FAM24B: variants seen among roughly 807,000 people sequenced by gnomAD.
FAM24B encodes the protein family with sequence similarity 24 member B, also known as protein FAM24B.
Under a neutral mutation model 2.3 loss-of-function variants are expected in FAM24B, and 3 were observed. The observed-to-expected ratio is 1.29, with a 90% confidence interval of 0.59 to 3.32. The LOEUF is 3.32. Among genes scored for constraint, FAM24B ranks in the 30% most tolerant of loss-of-function variants. The probability of loss-of-function intolerance (pLI) is 0.03; values close to 1 mark genes in which losing one functional copy is unlikely to be tolerated. For missense variants in FAM24B, 98 were observed against 117.2 expected, an observed-to-expected ratio of 0.84 and a Z score of 0.76; for synonymous variants, 36 against 46.3, an observed-to-expected ratio of 0.78 and a Z score of 0.90.
chr10:122,854,666 T>TG (rs1331038623), intron 2 of FAM24B, among the ~76,000 whole-genome samples: 2 of 152,182 alleles, frequency 1.3e-5, no homozygotes, highest in Non-Finnish European at 2.9e-5. Flanking sequence ...CTTAAGAGTA[T>TG]TGAGAGGGAT....
chr10:122,858,742 C>A (rs559658528), intron 1 of FAM24B, among the ~76,000 whole-genome samples: 1 of 152,118 alleles, frequency 6.6e-6, no homozygotes, highest in African/African-American at 2.4e-5. Context: ...CTGTGGGGCA[C>A]ACAGAGCCTC....
intron 1 of FAM24B, among the ~76,000 whole-genome samples, chr10:122,862,085 T>C (rs1329388898): frequency 2.0e-5 from 3 of 152,242 alleles, no homozygotes; most frequent in African/African-American, 4.8e-5. Context: ...GCCTTAGCCC[T>C]TGTCTGTTTC....
In FAM24B at chr10:122,870,933, C is replaced by T. The variant is rs549026116; in HGVS notation, c.-178+8552G>A. Among the ~76,000 whole-genome samples the T allele has an allele frequency of 4.3e-4, 65 of 152,182 alleles. 1 individual carries two copies. In the South Asian group the frequency reaches 6.9e-3, roughly 16 times the overall value. ...TCAACATAGTGTTGGAAGCTTTGGCCAGGGCAATCAGGCAGAAGAAGGAAA... is the reference window on the plus strand; with the variant it reads ...TCAACATAGTGTTGGAAGCTTTGGCTAGGGCAATCAGGCAGAAGAAGGAAA... On this transcript the variant is annotated intron_variant, in intron 1 of 3. Coordinates refer to ENST00000368898, the MANE Select transcript of FAM24B (RefSeq NM_152644.3).
chr10:122,850,619 G>A (rs1220450974), intron 2 of FAM24B, 69 bp from the exon 3 acceptor site: 1 of 785,874 alleles, frequency 1.3e-6, no homozygotes, highest in East Asian at 2.5e-5. Flanking sequence ...ACTAAGCAAT[G>A]CCAATGTCAG....
intron 1 of FAM24B, among the ~76,000 whole-genome samples, chr10:122,873,196 C>T (rs541477473): frequency 8.5e-5 from 13 of 152,262 alleles, no homozygotes; most frequent in South Asian, 6.2e-4. Flanking sequence ...GAGAGGTCAA[C>T]GCCTGGCTTC....
At chr10:122,869,142 T>C (rs903332526) in intron 1 of FAM24B, among the ~76,000 whole-genome samples, 1 of 151,994 alleles carries the variant, frequency 6.6e-6, no homozygotes, top group Non-Finnish European at 1.5e-5. Context: ...TCCTAGTCTC[T>C]GATAAAACAG....
chr10:122,869,123 G>A (rs1191409430), intron 1 of FAM24B, among the ~76,000 whole-genome samples: 1 of 151,846 alleles, frequency 6.6e-6, no homozygotes, highest in African/African-American at 2.4e-5. Flanking sequence ...AAAAAGGCAG[G>A]GGTTGCAATC....
chr10:122,858,804 C>G (rs935126101), intron 1 of FAM24B, among the ~76,000 whole-genome samples: 1 of 152,178 alleles, frequency 6.6e-6, no homozygotes, highest in Non-Finnish European at 1.5e-5. Flanking sequence ...ACCCCTTGGG[C>G]TGGTGCTCCC....
intron 2 of FAM24B, among the ~76,000 whole-genome samples, chr10:122,851,729 T>C (rs1277681345): frequency 6.6e-6 from 1 of 152,084 alleles, no homozygotes; most frequent in Non-Finnish European, 1.5e-5. Flanking sequence ...GTATGGCCCA[T>C]AAAGGAGTGG....
At chr10:122,868,555 G>C (rs532825679) in intron 1 of FAM24B, among the ~76,000 whole-genome samples, 1 of 152,066 alleles carries the variant, frequency 6.6e-6, no homozygotes, top group South Asian at 2.1e-4. Flanking sequence ...TACCCACAAA[G>C]GGAAGCCCAT....
At chr10:122,874,891 CT>C (rs1251792298) in intron 1 of FAM24B, among the ~76,000 whole-genome samples, 1 of 152,190 alleles carries the variant, frequency 6.6e-6, no homozygotes, top group Non-Finnish European at 1.5e-5. Context: ...GACAATTCTT[CT>C]TTTCCCAGGG....
intron 1 of FAM24B, among the ~76,000 whole-genome samples, chr10:122,858,269 T>C (rs1372779385): frequency 6.6e-6 from 1 of 152,140 alleles, no homozygotes; most frequent in African/African-American, 2.4e-5. Flanking sequence ...TGGATGAAGC[T>C]GGAAACCATC....
intron 1 of FAM24B, among the ~76,000 whole-genome samples, chr10:122,875,781 G>A (rs1173152245): frequency 3.9e-5 from 6 of 152,128 alleles, no homozygotes; most frequent in African/African-American, 1.4e-4. Flanking sequence ...GGTGATCAAC[G>A]GCTTGCCGAT....
intron 1 of FAM24B, among the ~76,000 whole-genome samples, chr10:122,861,453 C>T (rs1398087123): frequency 6.6e-6 from 1 of 152,108 alleles, no homozygotes; most frequent in Non-Finnish European, 1.5e-5. Context: ...AATTCCTTTG[C>T]CTCTTTGTAT....
chr10:122,875,807 G>A (rs1847968104), intron 1 of FAM24B, among the ~76,000 whole-genome samples: 1 of 152,132 alleles, frequency 6.6e-6, no homozygotes, highest in South Asian at 2.1e-4. Context: ...CTCAGGAGTT[G>A]GACAAGTGGG....
Position 122,878,308 on chromosome 10 carries a change from G to A in FAM24B, c.-178+1177C>T, listed in dbSNP as rs145848721. On this transcript the variant is annotated intron_variant, in intron 1 of 3. Transcript: ENST00000368898. ...AGCACTTTTGGGAGCCGAGGCGGGCGGATCACTTGAAGCCAGGAGTTTGAG... is the reference window on the plus strand; with the variant it reads ...AGCACTTTTGGGAGCCGAGGCGGGCAGATCACTTGAAGCCAGGAGTTTGAG... 7.9e-3 allele frequency among the ~76,000 whole-genome samples: 1,204 copies of A among 152,228 alleles called. 20 individuals carry two copies. Among genetic ancestry groups the A allele is most frequent in the African/African-American group, 0.028 (1,147 of 41,538 alleles).
At chr10:122,850,280 T>C in intron 3 of FAM24B, 144 bp downstream of exon 3, 1 of 683,044 alleles carries the variant, frequency 1.5e-6, no homozygotes, top group South Asian at 1.7e-5. Context: ...CCTGTTCTTC[T>C]TGACTTCACC....
intron 2 of FAM24B, among the ~76,000 whole-genome samples, chr10:122,854,566 C>T (rs958929215): frequency 1.3e-5 from 2 of 152,296 alleles, no homozygotes; most frequent in South Asian, 2.1e-4. Flanking sequence ...AAATAAATCC[C>T]GTTGCATTTC....
chr10:122,876,092 A>G (rs1212281315), intron 1 of FAM24B, among the ~76,000 whole-genome samples: 1 of 152,238 alleles, frequency 6.6e-6, no homozygotes, highest in African/African-American at 2.4e-5. Context: ...TTGATCTCTC[A>G]AGGCGCTTGC....
Sources: allele counts gnomAD v4.1 joint callset (sites outside exome capture counted in the v4.1 genomes callset), GRCh38; gene constraint gnomAD v4.1.1; transcripts MANE v1.5; gene names NCBI Gene and HGNC (gene_info 2026-07-23, HGNC 2026-07-21).